RABEP1: variants seen among roughly 807,000 people sequenced by gnomAD.
The protein encoded by RABEP1 is rab GTPase-binding effector protein 1.
A neutral mutation model predicts 123.4 loss-of-function variants in RABEP1; 51 were observed. The observed-to-expected ratio is 0.41, with a 90% confidence interval of 0.33 to 0.52. The LOEUF (loss-of-function observed/expected upper bound fraction) is 0.52. Among genes scored for constraint, RABEP1 ranks in the 20% least tolerant of loss-of-function variants. The pLI is 0.16. For synonymous variants in RABEP1, 347 were observed against 355.2 expected (o/e 0.98, Z 0.26); for missense variants, 888 against 996.3 (o/e 0.89, Z 1.46).
intron 15 of RABEP1, among the ~76,000 whole-genome samples, chr17:5,379,568 G>C (rs1911281560): frequency 6.6e-6 from 1 of 152,108 alleles, no homozygotes; most frequent in African/African-American, 2.4e-5. Flanking sequence ...TCTGCCTCCT[G>C]CCTCCACTTT....
In RABEP1 at chr17:5,282,458, C is replaced by A; in HGVS notation, c.-29C>A. 1 of 1,347,520 alleles carries A rather than the reference C, an allele frequency of 7.4e-7. No individual in the cohort carries two copies. Among genetic ancestry groups the A allele is most frequent in the East Asian group, 3.1e-5 (1 of 32,166 alleles). The allele number at this position is 1,347,520 out of a possible 1,614,324, so 83.5% of individuals were successfully genotyped here. A position where few individuals can be genotyped will look rare whatever the true frequency, so the allele number is the denominator to read the frequency against. On this transcript the variant is annotated 5_prime_UTR_variant, in exon 1 of 18. Coordinates refer to ENST00000537505, the MANE Select transcript of RABEP1 (RefSeq NM_004703.6). The stretch of plus-strand genomic sequence containing the variant: ...CCCAGGACGCCGCTTCCCCGCCCAT[C>A]CCCGCTCCCCGAGGCCGGCCGCCTG...
rs1291000131 is a variant in RABEP1, at chr17:5,320,243, G to GA, written c.163+11431dup. On this transcript the variant is annotated intron_variant, in intron 2 of 17. Transcript: ENST00000537505. ...GAATGACACCTTCAATGTGCTGAAA[G>GA]AAAAAAAAAATTTAACATCTAAGAA... Among the ~76,000 whole-genome samples, 27 of 147,778 alleles carry GA rather than the reference G, an allele frequency of 1.8e-4. No individual in the cohort carries two copies. The East Asian group carries it at 2.2e-3, about 12-fold the overall frequency.
At chr17:5,344,771 CAAA>C (rs1177790100) in intron 5 of RABEP1, among the ~76,000 whole-genome samples, 4 of 46,936 alleles carry the variant, frequency 8.5e-5, no homozygotes, top group Admixed American at 3.2e-4. Flanking sequence ...GACACTGTCT[CAAA>C]AAAAAAAAAA....
At chr17:5,368,668 CAAA>C (rs992595838) in intron 12 of RABEP1, among the ~76,000 whole-genome samples, 200 bp downstream of exon 12, 3 of 152,110 alleles carry the variant, frequency 2.0e-5, no homozygotes, top group African/African-American at 7.2e-5. Flanking sequence ...TCTGGCCAAA[CAAA>C]AATTTTTTCT....
intron 12 of RABEP1, among the ~76,000 whole-genome samples, chr17:5,371,060 G>A (rs949213697): frequency 1.3e-5 from 2 of 151,628 alleles, no homozygotes; most frequent in African/African-American, 2.4e-5. Context: ...TCCGCCTCCC[G>A]GGCTCACGCC....
At chr17:5,345,570 C>T (rs2144635554) in intron 5 of RABEP1, among the ~76,000 whole-genome samples, 1 of 152,260 alleles carries the variant, frequency 6.6e-6, no homozygotes, top group Admixed American at 6.5e-5. Context: ...TTTAAATCTG[C>T]CATACGGACT....
At chr17:5,312,086 G>C (rs1484931890) in intron 2 of RABEP1, among the ~76,000 whole-genome samples, 1 of 152,300 alleles carries the variant, frequency 6.6e-6, no homozygotes, top group South Asian at 2.1e-4. Flanking sequence ...GCGTCCACCT[G>C]ACTTGCCAAA....
At chr17:5,342,474 C>T (rs1057312579) in intron 5 of RABEP1, among the ~76,000 whole-genome samples, 1 of 152,038 alleles carries the variant, frequency 6.6e-6, no homozygotes, top group Non-Finnish European at 1.5e-5. Flanking sequence ...CCAGTCTCTA[C>T]TAAAAGTACA....
intron 1 of RABEP1, among the ~76,000 whole-genome samples, chr17:5,285,077 T>C (rs2074964661): frequency 1.3e-5 from 2 of 152,152 alleles, no homozygotes; most frequent in Admixed American, 1.3e-4. Context: ...ATTTTATTCA[T>C]TGTAATTATT....
intron 2 of RABEP1, among the ~76,000 whole-genome samples, chr17:5,326,532 A>T (rs549296228): frequency 6.6e-6 from 1 of 152,358 alleles, no homozygotes; most frequent in Admixed American, 6.5e-5. Context: ...TAGAGCAGTG[A>T]AACTATTTTA....
intron 11 of RABEP1, among the ~76,000 whole-genome samples, chr17:5,367,270 A>G (rs1347371613): frequency 6.6e-6 from 1 of 151,424 alleles, no homozygotes; most frequent in Non-Finnish European, 1.5e-5. Flanking sequence ...ACACACACAC[A>G]CAGTGTAGAT....
chr17:5,317,828 C>T (rs1185389023), intron 2 of RABEP1, among the ~76,000 whole-genome samples: 10 of 152,148 alleles, frequency 6.6e-5, no homozygotes, highest in Non-Finnish European at 7.4e-5. Context: ...TACCTCCCAA[C>T]CTCCAGGGAG....
intron 2 of RABEP1, among the ~76,000 whole-genome samples, chr17:5,315,459 G>A (rs776886951): frequency 6.6e-6 from 1 of 152,120 alleles, no homozygotes; most frequent in East Asian, 1.9e-4. Context: ...AGAATGGAAG[G>A]AATAGTAAAG....
chr17:5,371,444 G>A (rs998365926), intron 12 of RABEP1: 2 of 151,662 alleles, frequency 1.3e-5, no homozygotes, highest in Non-Finnish European at 2.9e-5. Flanking sequence ...TTTATTTTTG[G>A]CTTATCCTTC....
chr17:5,298,266 A>G (rs2075101362), intron 1 of RABEP1, among the ~76,000 whole-genome samples: 1 of 152,166 alleles, frequency 6.6e-6, no homozygotes, highest in South Asian at 2.1e-4. Flanking sequence ...GAGATAAGGA[A>G]TTACATCTAC....
rs770891815 is a variant in RABEP1 at position 5,377,335 on chromosome 17, T to TA, written c.2215+31dup. The TA allele has an allele frequency of 2.6e-6, 4 of 1,527,712 alleles. No individual in the cohort carries two copies. The African/African-American group carries it at 5.7e-5, about 22-fold the overall frequency. The allele number at this position is 1,527,712 out of a possible 1,614,324, so 94.6% of individuals were successfully genotyped here. On this transcript the variant is annotated intron_variant, in intron 14 of 17. Transcript: ENST00000537505. ...AGATAAAAGTGATGTAGTTTAGAAT[T>TA]AGAGTCACTAAATAAAACTTTAGTA... is the stretch of plus-strand genomic sequence containing the variant.
intron 2 of RABEP1, 111 bp from the exon 3 acceptor site, chr17:5,331,838 G>C (rs78441253): frequency 0.026 from 23,371 of 896,014 alleles, 401 homozygotes; most frequent in Middle Eastern, 0.055. Flanking sequence ...TCTATTAAAA[G>C]GGTGTCATTT....
At chr17:5,368,338 A>G in intron 11 of RABEP1, 32 bp from the exon 12 acceptor site, 1 of 1,423,540 alleles carries the variant, frequency 7.0e-7, no homozygotes. Context: ...CCGATTTCCT[A>G]ACTATGTTTC....
At chr17:5,296,679 G>T (rs2075086905) in intron 1 of RABEP1, among the ~76,000 whole-genome samples, 1 of 152,184 alleles carries the variant, frequency 6.6e-6, no homozygotes, top group South Asian at 2.1e-4. Flanking sequence ...TAGAATTTAT[G>T]TTCTCTTTCA....
Sources: gnomAD v4.1 joint callset for allele counts (sites outside exome capture counted in the v4.1 genomes callset) on GRCh38, gnomAD v4.1.1 for gene constraint, MANE v1.5 for transcripts, NCBI Gene and HGNC (gene_info 2026-07-23, HGNC 2026-07-21) for gene names.